The following PTPRM variants were observed in gnomAD, a reference collection of about 807,000 sequenced individuals.
PTPRM encodes the protein receptor-type tyrosine-protein phosphatase mu.
Under a neutral mutation model 186.7 loss-of-function variants are expected in PTPRM, and 47 were observed. That is an observed-to-expected ratio of 0.25 (90% CI 0.20 to 0.32). PTPRM has a LOEUF of 0.32. PTPRM is among the 10% of genes least tolerant of loss of function. PTPRM has a pLI of 1.00. For synonymous variants in PTPRM, 668 were observed against 674.9 expected (o/e 0.99, Z 0.16); for missense variants, 1,494 against 1,865.0 (o/e 0.80, Z 3.66).
intron 18 of PTPRM, among the ~76,000 whole-genome samples, 154 bp from the exon 19 acceptor site, chr18:8,253,073 C>G (rs2094543301): frequency 6.6e-6 from 1 of 152,162 alleles, no homozygotes; most frequent in African/African-American, 2.4e-5. Flanking sequence ...ATTTAAATTT[C>G]TAAACATTTA....
At chr18:7,676,286 C>G (rs1031359205) in intron 1 of PTPRM, among the ~76,000 whole-genome samples, 5 of 152,114 alleles carry the variant, frequency 3.3e-5, no homozygotes, top group African/African-American at 7.2e-5. Flanking sequence ...TCTCCTGTCT[C>G]TTGGCCACTG....
At chr18:7,784,881 T>A (rs1364914091) in intron 2 of PTPRM, among the ~76,000 whole-genome samples, 1 of 152,134 alleles carries the variant, frequency 6.6e-6, no homozygotes, top group Non-Finnish European at 1.5e-5. Context: ...TCCATTTGTC[T>A]GCTCTGAGCC....
chr18:7,922,996 A>C (rs2050955905), intron 4 of PTPRM, among the ~76,000 whole-genome samples: 1 of 152,170 alleles, frequency 6.6e-6, no homozygotes, highest in Admixed American at 6.5e-5. Context: ...ACATTTTAGC[A>C]GTGTCTCTAG....
chr18:8,095,638 C>T (rs554988082), intron 11 of PTPRM, among the ~76,000 whole-genome samples: 255 of 152,028 alleles, frequency 1.7e-3, no homozygotes, highest in African/African-American at 5.5e-3. Flanking sequence ...CTAATAGGAG[C>T]GGCATAAAGG....
chr18:8,125,483 A>G (rs2092309855), intron 13 of PTPRM, among the ~76,000 whole-genome samples: 1 of 152,180 alleles, frequency 6.6e-6, no homozygotes, highest in Admixed American at 6.6e-5. Flanking sequence ...TACTCACTGC[A>G]AACATAAGAT....
In PTPRM at chr18:7,653,509, C is replaced by A. The variant is rs1242823969; in HGVS notation, c.73+85618C>A. On this transcript the variant is annotated intron_variant, in intron 1 of 32. Coordinates refer to ENST00000580170, the MANE Select transcript of PTPRM (RefSeq NM_001105244.2). ...CCCATAGACCGCAGTGTGTGTTGTT[C>A]CCCTCTTTGTGTCCATGAGTTCCCA... 8.5e-5 allele frequency among the ~76,000 whole-genome samples: 13 copies of A among 152,176 alleles called. No homozygotes were observed. The South Asian group carries it at 1.9e-3, about 22-fold the overall frequency.
intron 2 of PTPRM, among the ~76,000 whole-genome samples, chr18:7,859,979 G>A (rs779429547): frequency 6.6e-6 from 1 of 152,182 alleles, no homozygotes; most frequent in Non-Finnish European, 1.5e-5. Flanking sequence ...AGGGCTAGTA[G>A]ATTGGAGGTT....
intron 1 of PTPRM, among the ~76,000 whole-genome samples, chr18:7,728,144 GTTAT>G (rs2040586245): frequency 6.6e-6 from 1 of 152,142 alleles, no homozygotes; most frequent in South Asian, 2.1e-4. Context: ...TCAGATATTT[GTTAT>G]TTAATAATGT....
At chr18:8,371,747 T>A (rs2095663901) in intron 24 of PTPRM, 1 of 152,626 alleles carries the variant, frequency 6.6e-6, no homozygotes, top group Admixed American at 6.5e-5. Flanking sequence ...TCCCCCTCTT[T>A]CTGCTGACAT....
chr18:7,653,108 C>T (rs931992844), intron 1 of PTPRM, among the ~76,000 whole-genome samples: 1 of 145,908 alleles, frequency 6.9e-6, no homozygotes, highest in Non-Finnish European at 1.5e-5. Flanking sequence ...ACAGAGATAC[C>T]ACTATGTACT....
chr18:7,998,667 GT>G (rs970855614), intron 7 of PTPRM, among the ~76,000 whole-genome samples: 1 of 151,764 alleles, frequency 6.6e-6, no homozygotes. Context: ...TTTTTTTTAT[GT>G]TTTTTTGAGA....
chr18:8,326,904 C>A (rs141810992), intron 22 of PTPRM, among the ~76,000 whole-genome samples: 1,664 of 152,252 alleles, frequency 0.011, 9 homozygotes, highest in African/African-American at 0.022. Flanking sequence ...GGGGCCTTTT[C>A]TTTTTAATAC....
chr18:7,704,832 T>C (rs1530515), intron 1 of PTPRM, among the ~76,000 whole-genome samples: 9,973 of 152,126 alleles, frequency 0.066, 868 homozygotes, highest in African/African-American at 0.19. Flanking sequence ...GATTGAAAAA[T>C]ATAGTAGACA....
At chr18:7,821,556 A>G (rs1049574632) in intron 2 of PTPRM, among the ~76,000 whole-genome samples, 1 of 152,172 alleles carries the variant, frequency 6.6e-6, no homozygotes, top group Admixed American at 6.5e-5. Context: ...TATATATACT[A>G]TGTTTTTTTC....
rs557328058 is a variant in PTPRM, at chr18:8,346,677, G to A, written c.3054+3157G>A. ...GGTTAGAGAAGTTCCTGCCCATTCC[G>A]AGGACTCAATAATACAGCTATTAGT... On this transcript the variant is annotated intron_variant, in intron 23 of 32. Transcript: ENST00000580170. Among the ~76,000 whole-genome samples the A allele has an allele frequency of 4.6e-5, 7 of 152,214 alleles. No individual in the cohort carries two copies. In the South Asian group the frequency reaches 1.2e-3, roughly 27 times the overall value.
At chr18:8,241,919 G>A (rs1366494922) in intron 14 of PTPRM, among the ~76,000 whole-genome samples, 6 of 151,998 alleles carry the variant, frequency 3.9e-5, no homozygotes, top group Admixed American at 1.3e-4. Context: ...GTCTTTACAG[G>A]GCTTCTTTTG....
intron 1 of PTPRM, among the ~76,000 whole-genome samples, chr18:7,697,807 A>ATAT: frequency 6.6e-6 from 1 of 152,318 alleles, no homozygotes; most frequent in East Asian, 1.9e-4. Context: ...CTGTACATGG[A>ATAT]GATGGAGGTG....
chr18:7,920,560 G>A (rs1389029163), intron 4 of PTPRM, among the ~76,000 whole-genome samples: 1 of 152,138 alleles, frequency 6.6e-6, no homozygotes, highest in African/African-American at 2.4e-5. Context: ...TCTCTTAACA[G>A]GTTACCATAC....
intron 1 of PTPRM, among the ~76,000 whole-genome samples, chr18:7,585,774 G>A (rs753866654): frequency 2.6e-5 from 4 of 152,152 alleles, no homozygotes; most frequent in Admixed American, 6.6e-5. Flanking sequence ...GCTTGTCATC[G>A]TATTTCTCCT....
Sources: allele counts gnomAD v4.1 joint callset (sites outside exome capture counted in the v4.1 genomes callset), GRCh38; gene constraint gnomAD v4.1.1; transcripts MANE v1.5; gene names NCBI Gene and HGNC (gene_info 2026-07-23, HGNC 2026-07-21).